Variants in NSL1 observed in about 807,000 individuals in gnomAD.
NSL1 encodes kinetochore-associated protein NSL1 homolog.
In NSL1, 11 loss-of-function variants were observed where a neutral mutation model predicts 25.4. The ratio of observed to expected loss-of-function variants is 0.43; its 90% CI spans 0.27 to 0.72. The LOEUF is 0.72. Among genes scored for constraint, NSL1 ranks in the 30% least tolerant of loss-of-function variants. The probability of loss-of-function intolerance (pLI) is 0.19; values close to 1 mark genes in which losing one functional copy is unlikely to be tolerated. For missense variants in NSL1, 330 were observed against 342.7 expected (o/e 0.96, Z 0.29); for synonymous variants, 118 against 120.6 (o/e 0.98, Z 0.14).
At chr1:212,745,535 T>C (rs925990463) in intron 4 of NSL1, among the ~76,000 whole-genome samples, 9 of 152,010 alleles carry the variant, frequency 5.9e-5, no homozygotes, top group Non-Finnish European at 1.2e-4. Context: ...TCAGAAACCA[T>C]GAAGAATAGA....
At chr1:212,749,824 T>C (rs1347952377) in intron 4 of NSL1, among the ~76,000 whole-genome samples, 1 of 151,696 alleles carries the variant, frequency 6.6e-6, no homozygotes, top group African/African-American at 2.4e-5. Context: ...TTTGGGTTTG[T>C]GTGTAAAATG....
At chr1:212,784,589 A>G in intron 2 of NSL1, 96 bp from the exon 3 acceptor site, 1 of 690,058 alleles carries the variant, frequency 1.4e-6, no homozygotes, top group Non-Finnish European at 2.2e-6. Context: ...TTTAGAAAAC[A>G]CAAAATAATG....
Position 212,729,906 on chromosome 1 carries a change from C to A in NSL1, c.*8502G>T, listed in dbSNP as rs2102418042. The A allele has an allele frequency of 1.0e-6, 1 of 984,986 alleles. No homozygotes were observed. The highest frequency in any genetic ancestry group is 1.1e-4 in the East Asian group (1 of 8,820). The allele number at this position is 984,986 out of a possible 1,614,324, so 61.0% of individuals were successfully genotyped here. A position where few individuals can be genotyped will look rare whatever the true frequency, so the allele number is the denominator to read the frequency against. Reference sequence around the variant, plus strand: ...GCAAGGACCCTGAGGGGGCAGGTAACCAGAAGCTGCCTTGTGGAGGAACTA... The same window carrying A: ...GCAAGGACCCTGAGGGGGCAGGTAAACAGAAGCTGCCTTGTGGAGGAACTA... On this transcript the variant is annotated 3_prime_UTR_variant, in exon 6 of 6. Coordinates refer to ENST00000366977, the MANE Select transcript of NSL1 (RefSeq NM_015471.4).
At chr1:212,779,203 C>A (rs1325955498) in intron 4 of NSL1, among the ~76,000 whole-genome samples, 1 of 151,854 alleles carries the variant, frequency 6.6e-6, no homozygotes, top group Non-Finnish European at 1.5e-5. Flanking sequence ...CGTCTCCGCC[C>A]GGCCAGCCGC....
chr1:212,754,177 G>C (rs1218313067), intron 4 of NSL1, among the ~76,000 whole-genome samples: 1 of 152,168 alleles, frequency 6.6e-6, no homozygotes, highest in Non-Finnish European at 1.5e-5. Context: ...GATTTCAGTA[G>C]TGCATAAAAC....
chr1:212,788,373 T>A (rs534392694), intron 1 of NSL1, among the ~76,000 whole-genome samples: 1 of 152,250 alleles, frequency 6.6e-6, no homozygotes, highest in Non-Finnish European at 1.5e-5. Context: ...TGATTGCCAC[T>A]GTACTCCAGC....
At position 212,738,501 on chromosome 1, in the gene NSL1, G is replaced by C. The variant is rs1167062351; in HGVS notation, c.753C>G (p.Thr251=). Residue 251 remains threonine (T), a synonymous_variant, in exon 6 of 6, where the codon ACC becomes ACG. Coordinates refer to ENST00000366977, the MANE Select transcript of NSL1 (RefSeq NM_015471.4). ...TTPTETASRK[T]SDMVLKRKQT... is the part of the protein sequence containing the mutation. ...GCTTTCTTTTCAGTACCATGTCAGA[G>C]GTTTTCCTGGAAGCAGTCTCTGTTG... 1 of 1,613,916 alleles carries C rather than the reference G, an allele frequency of 6.2e-7. No homozygotes were observed. Among genetic ancestry groups the C allele is most frequent in the Non-Finnish European group, 8.5e-7 (1 of 1,179,998 alleles).
chr1:212,758,901 TA>T (rs1659432467), intron 4 of NSL1, among the ~76,000 whole-genome samples: 1 of 152,166 alleles, frequency 6.6e-6, no homozygotes, highest in East Asian at 1.9e-4. Context: ...AAAGCTATAA[TA>T]ATCAAGACAG....
intron 4 of NSL1, among the ~76,000 whole-genome samples, chr1:212,742,713 T>G (rs2102432366): frequency 6.6e-6 from 1 of 152,340 alleles, no homozygotes; most frequent in South Asian, 2.1e-4. Flanking sequence ...AGATGATATG[T>G]GGCTGACCTC....
At chr1:212,758,958 G>C (rs1322304294) in intron 4 of NSL1, among the ~76,000 whole-genome samples, 1 of 152,158 alleles carries the variant, frequency 6.6e-6, no homozygotes, top group Admixed American at 6.5e-5. Context: ...AAACAGAATT[G>C]AGAGTTCAGA....
intron 4 of NSL1, among the ~76,000 whole-genome samples, chr1:212,771,504 A>T (rs549230526): frequency 6.6e-6 from 1 of 152,124 alleles, no homozygotes; most frequent in South Asian, 2.1e-4. Flanking sequence ...TAGCCAGAGC[A>T]ATCAGGCAAG....
chr1:212,783,145 G>C (rs1177077865), intron 3 of NSL1, among the ~76,000 whole-genome samples: 1 of 151,582 alleles, frequency 6.6e-6, no homozygotes, highest in Non-Finnish European at 1.5e-5. Context: ...AGGGAGGAAA[G>C]ACGCAGGGCA....
intron 1 of NSL1, among the ~76,000 whole-genome samples, chr1:212,788,240 C>A (rs1311279458): frequency 6.6e-6 from 1 of 152,162 alleles, no homozygotes; most frequent in Non-Finnish European, 1.5e-5. Flanking sequence ...CTGAGACAAC[C>A]TTCTCTACTA....
chr1:212,738,754 TGC>T, intron 5 of NSL1, 68 bp from the exon 6 acceptor site: 1 of 1,327,698 alleles, frequency 7.5e-7, no homozygotes, highest in Non-Finnish European at 1.0e-6. Flanking sequence ...CAAAGATGGA[TGC>T]AGTACTCTAA....
chr1:212,731,626 CAG>C lies in NSL1; in HGVS notation c.*6780_*6781del. ...CAGTTCCCCCACCTAAGTTCATCCA[CAG>C]AGTTAATACTTCCCACTTCGTCAGC... On this transcript the variant is annotated 3_prime_UTR_variant, in exon 6 of 6. Transcript: ENST00000366977. 1.0e-6 allele frequency: 1 copy of C among 985,436 alleles called. No homozygotes were observed. Among genetic ancestry groups the C allele is most frequent in the Non-Finnish European group, 1.2e-6 (1 of 829,936 alleles). The allele number at this position is 985,436 out of a possible 1,614,324, so 61.0% of individuals were successfully genotyped here. A position where few individuals can be genotyped will look rare whatever the true frequency, so the allele number is the denominator to read the frequency against.
intron 4 of NSL1, among the ~76,000 whole-genome samples, chr1:212,779,300 G>A (rs1374721210): frequency 6.8e-5 from 9 of 133,198 alleles, no homozygotes; most frequent in South Asian, 2.5e-4. Context: ...TCAGCCCCCC[G>A]CCCAGCCAGC....
At chr1:212,747,985 C>T (rs1330448328) in intron 4 of NSL1, among the ~76,000 whole-genome samples, 1 of 152,122 alleles carries the variant, frequency 6.6e-6, no homozygotes, top group East Asian at 1.9e-4. Flanking sequence ...AGGCTGGTCT[C>T]GAACTCCCAA....
intron 4 of NSL1, among the ~76,000 whole-genome samples, chr1:212,764,239 G>A (rs1659696719): frequency 6.6e-6 from 1 of 152,170 alleles, no homozygotes; most frequent in Non-Finnish European, 1.5e-5. Flanking sequence ...GAATAATAGT[G>A]ACACAACTTA....
At chr1:212,744,274 A>C (rs1658653172) in intron 4 of NSL1, among the ~76,000 whole-genome samples, 1 of 152,222 alleles carries the variant, frequency 6.6e-6, no homozygotes, top group African/African-American at 2.4e-5. Flanking sequence ...CTGACCACTA[A>C]GCTAATGGAA....
Sources: allele counts gnomAD v4.1 joint callset (sites outside exome capture counted in the v4.1 genomes callset), GRCh38; gene constraint gnomAD v4.1.1; transcripts MANE v1.5; gene names NCBI Gene and HGNC (gene_info 2026-07-23, HGNC 2026-07-21).